HCFC2: variants seen among roughly 807,000 people sequenced by gnomAD.
The protein encoded by HCFC2 is host cell factor C2, also known as host cell factor 2.
A neutral mutation model predicts 89.2 loss-of-function variants in HCFC2; 18 were observed. The observed-to-expected ratio is 0.20, with a 90% CI of 0.14 to 0.30. The LOEUF is 0.30. Among genes scored for constraint, HCFC2 ranks in the 10% least tolerant of loss-of-function variants. The probability of loss-of-function intolerance (pLI) is 1.00; values close to 1 mark genes in which losing one functional copy is unlikely to be tolerated. For synonymous variants in HCFC2, 308 were observed against 335.7 expected (o/e 0.92, Z 0.90); for missense variants, 578 against 956.1 (o/e 0.60, Z 5.21).
intron 7 of HCFC2, 130 bp downstream of exon 7, chr12:104,083,031 T>C (rs1883730805): frequency 3.1e-6 from 2 of 639,522 alleles, no homozygotes; most frequent in East Asian, 2.8e-5. Context: ...AGAAACAATA[T>C]GTATAGTTAT....
intron 9 of HCFC2, among the ~76,000 whole-genome samples, chr12:104,093,185 A>G (rs1884074112): frequency 6.6e-6 from 1 of 152,156 alleles, no homozygotes; most frequent in Admixed American, 6.5e-5. Flanking sequence ...TTGAGCATGG[A>G]GATTAAGTGA....
chr12:104,095,627 C>T lies in HCFC2; in HGVS notation c.1666+64C>T. On this transcript the variant is annotated intron_variant, in intron 11 of 14. Coordinates refer to ENST00000229330, the MANE Select transcript of HCFC2 (RefSeq NM_013320.3). The surrounding 1 kb of genome is among the most constrained non-coding windows in gnomAD (Gnocchi z 4.2). Reference sequence around the variant, plus strand: ...TATGTATATAAATTCATCAAACTTACTTGTCTTAGATGGGAGTTGCATTTC... The same window carrying T: ...TATGTATATAAATTCATCAAACTTATTTGTCTTAGATGGGAGTTGCATTTC... 7.6e-7 allele frequency: 1 copy of T among 1,323,694 alleles called. No individual in the cohort carries two copies. Among genetic ancestry groups the T allele is most frequent in the Non-Finnish European group, 1.1e-6 (1 of 943,610 alleles). The allele number at this position is 1,323,694 out of a possible 1,614,324, so 82.0% of individuals were successfully genotyped here.
chr12:104,075,498 A>G (rs1024701556), intron 3 of HCFC2, among the ~76,000 whole-genome samples: 1 of 128,338 alleles, frequency 7.8e-6, no homozygotes, highest in African/African-American at 3.0e-5. Context: ...TCATTCTGTC[A>G]CCCAGGCTAG....
intron 2 of HCFC2, 75 bp from the exon 3 acceptor site, chr12:104,067,872 G>C (rs991554749): frequency 1.2e-5 from 16 of 1,313,762 alleles, no homozygotes; most frequent in Admixed American, 2.8e-5. Flanking sequence ...GTATTGATAT[G>C]ATGTTGCACT....
chr12:104,102,233 A>C, intron 14 of HCFC2, 80 bp downstream of exon 14: 1 of 1,238,296 alleles, frequency 8.1e-7, no homozygotes, highest in Non-Finnish European at 1.1e-6. Flanking sequence ...CAGTTTAGAA[A>C]TTCTTGTTAC....
rs527597059 is a variant in HCFC2, at chr12:104,083,924, T to C, written c.1063+1023T>C. 1.2e-4 allele frequency among the ~76,000 whole-genome samples: 18 copies of C among 152,176 alleles called. No homozygotes were observed. The South Asian group carries it at 3.7e-3, about 32-fold the overall frequency. On this transcript the variant is annotated intron_variant, in intron 7 of 14. Coordinates refer to ENST00000229330, the MANE Select transcript of HCFC2 (RefSeq NM_013320.3). ...CTATAGTCCCAGCTTCTTGGGAGGC[T>C]GAGGCAAGAGGTTCACTTGAGCCCA...
At chr12:104,089,473 G>T (rs1363278737) in intron 9 of HCFC2, among the ~76,000 whole-genome samples, 2 of 152,118 alleles carry the variant, frequency 1.3e-5, no homozygotes, top group Non-Finnish European at 1.5e-5. Context: ...CCGAGATTGT[G>T]CCACTGCACT....
At chr12:104,087,429 GTGTGTGTGTGTGTA>G (rs1349769900) in intron 8 of HCFC2, among the ~76,000 whole-genome samples, 1 of 109,600 alleles carries the variant, frequency 9.1e-6, no homozygotes, top group South Asian at 3.1e-4. Context: ...GTGTGTGTGT[GTGTGTGTGTGTGTA>G]TGTGTGTGTG....
In HCFC2 at chr12:104,068,162, T is replaced by G. The variant is rs1301139336; in HGVS notation, c.473+55T>G. 1 of 1,411,390 alleles carries G rather than the reference T, an allele frequency of 7.1e-7. No individual in the cohort carries two copies. Among genetic ancestry groups the G allele is most frequent in the Non-Finnish European group, 9.4e-7 (1 of 1,058,522 alleles). 87.4% of individuals were successfully genotyped at this position (1,411,390 alleles called of 1,614,324 possible). On this transcript the variant is annotated intron_variant, in intron 3 of 14. Coordinates refer to ENST00000229330, the MANE Select transcript of HCFC2 (RefSeq NM_013320.3). This position sits in a 1 kb window ranked among gnomAD's most constrained non-coding sequence, Gnocchi z 4.1. ...ATTTTATGATTTAGAGTAGGAACATTTTATTTTTTCCATCTTTAATTTTTA... is the reference window on the plus strand; with the variant it reads ...ATTTTATGATTTAGAGTAGGAACATGTTATTTTTTCCATCTTTAATTTTTA...
chr12:104,093,520 T>C lies in HCFC2; in HGVS notation c.1419T>C (p.Ser473=). ...ATCCATCTTTGGCATCAAATGCTTC[T>C]AATCATAATAGTCATGTGGTGGATA... ...ILYPSLASNA[S]NHNSHVVDML... The change falls in exon 10 of 15, where the codon TCT becomes TCC. Residue 473 remains serine (S), a synonymous_variant. Transcript: ENST00000229330. 6.2e-7 allele frequency: 1 copy of C among 1,613,200 alleles called. No individual in the cohort carries two copies. The highest frequency in any genetic ancestry group is 8.5e-7 in the Non-Finnish European group (1 of 1,179,442).
At chr12:104,076,156 T>C (rs148701633) in intron 3 of HCFC2, among the ~76,000 whole-genome samples, 6 of 152,370 alleles carry the variant, frequency 3.9e-5, no homozygotes, top group African/African-American at 1.2e-4. Flanking sequence ...GTATTTATTA[T>C]TATTGCTTTT....
Position 104,103,123 on chromosome 12 carries a change from A to G in HCFC2, c.2229A>G (p.Val743=), listed in dbSNP as rs1331291274. 2 of 1,614,154 alleles carry G rather than the reference A, an allele frequency of 1.2e-6. No individual in the cohort carries two copies. The highest frequency in any genetic ancestry group is 1.7e-6 in the Non-Finnish European group (2 of 1,179,980). ...GTGGTCTTAAGACATCATGTATAGT[A>G]ACTGCTGGGCAACTTGCAAATGCAC... ...IYCGLKTSCI[V]TAGQLANAHI... is the part of the protein sequence containing the mutation. The change falls in exon 15 of 15, where the codon GTA becomes GTG. Residue 743 remains valine (V), a synonymous_variant. Coordinates refer to ENST00000229330, the MANE Select transcript of HCFC2 (RefSeq NM_013320.3).
chr12:104,072,548 A>G, intron 3 of HCFC2, among the ~76,000 whole-genome samples: 1 of 151,606 alleles, frequency 6.6e-6, no homozygotes, highest in East Asian at 1.9e-4. Context: ...TCTCAGCAAT[A>G]TTTTGTAGTT....
chr12:104,101,254 C>G (rs1027977130), intron 13 of HCFC2, among the ~76,000 whole-genome samples: 2 of 152,174 alleles, frequency 1.3e-5, no homozygotes, highest in African/African-American at 4.8e-5. Flanking sequence ...GAGGCCGACG[C>G]AGGTGGATCA....
intron 3 of HCFC2, among the ~76,000 whole-genome samples, chr12:104,075,456 C>CGT: frequency 1.1e-5 from 1 of 87,940 alleles, no homozygotes; most frequent in South Asian, 4.8e-4. Context: ...TTGTTCCTAA[C>CGT]CTTTTTTTTT....
At chr12:104,101,210 A>G (rs2029926401) in intron 13 of HCFC2, among the ~76,000 whole-genome samples, 3 of 152,198 alleles carry the variant, frequency 2.0e-5, no homozygotes, top group Admixed American at 2.0e-4. Flanking sequence ...TAGGCTGAGC[A>G]TGGTGGCTCA....
At chr12:104,099,114 C>T (rs1438581036) in intron 13 of HCFC2, among the ~76,000 whole-genome samples, 1 of 152,102 alleles carries the variant, frequency 6.6e-6, no homozygotes, top group Non-Finnish European at 1.5e-5. Flanking sequence ...AGAAAACTTC[C>T]AATCATGGCA....
At chr12:104,087,479 A>ATG (rs1883901433) in intron 8 of HCFC2, among the ~76,000 whole-genome samples, 4 of 139,112 alleles carry the variant, frequency 2.9e-5, no homozygotes, top group South Asian at 2.2e-4. Context: ...ATATATATAT[A>ATG]TATATGTATA....
chr12:104,102,836 A>T, intron 14 of HCFC2, 123 bp from the exon 15 acceptor site: 3 of 778,068 alleles, frequency 3.9e-6, no homozygotes, highest in Non-Finnish European at 5.9e-6. Flanking sequence ...AAAAGATGTA[A>T]CATCTAATGC....
Sources: gnomAD v4.1 joint callset for allele counts (sites outside exome capture counted in the v4.1 genomes callset) on GRCh38, gnomAD v4.1.1 for gene constraint, Gnocchi (gnomAD v3.1) non-coding constraint, MANE v1.5 for transcripts, NCBI Gene and HGNC (gene_info 2026-07-23, HGNC 2026-07-21) for gene names.